The following CAMK2D variants were observed in gnomAD, a reference collection of about 807,000 sequenced individuals.
CAMK2D encodes the protein calcium/calmodulin dependent protein kinase II delta.
In CAMK2D, 37 loss-of-function variants were observed where a neutral mutation model predicts 84.0. That is an observed-to-expected ratio of 0.44 (90% CI 0.34 to 0.58). The LOEUF is 0.58. Ranked by LOEUF, CAMK2D falls within the 20% of genes least tolerant of loss-of-function variation. The pLI, the probability that CAMK2D is intolerant of heterozygous loss-of-function variation, is 0.02. For missense variants in CAMK2D, 448 were observed against 652.5 expected (o/e 0.69, Z 3.41); for synonymous variants, 202 against 212.5 (o/e 0.95, Z 0.43).
rs557936480 is a variant in CAMK2D at position 113,483,141 on chromosome 4, T to C, written c.1135+17322A>G. 7.9e-5 allele frequency among the ~76,000 whole-genome samples: 12 copies of C among 152,304 alleles called. No homozygotes were observed. In the East Asian group the frequency reaches 2.1e-3, roughly 27 times the overall value. ...TGCAAAAAATAGCTATTCACTGGAA[T>C]GGGAAATGCACTAGCAGATATAATT... On this transcript the variant is annotated intron_variant, in intron 16 of 20. Coordinates refer to ENST00000511664, the MANE Select transcript of CAMK2D (RefSeq NM_001321571.2).
intron 16 of CAMK2D, among the ~76,000 whole-genome samples, chr4:113,471,312 T>G (rs1228367230): frequency 6.6e-6 from 1 of 152,158 alleles, no homozygotes; most frequent in Non-Finnish European, 1.5e-5. Context: ...TGGTTACTCT[T>G]GGCAATCTCA....
At chr4:113,565,479 C>T (rs569468350) in intron 4 of CAMK2D, among the ~76,000 whole-genome samples, 2 of 152,030 alleles carry the variant, frequency 1.3e-5, no homozygotes, top group African/African-American at 4.8e-5. Context: ...GGTGAAACCC[C>T]GTCTCTACCA....
At chr4:113,710,813 T>C (rs2099489896) in intron 2 of CAMK2D, among the ~76,000 whole-genome samples, 1 of 152,210 alleles carries the variant, frequency 6.6e-6, no homozygotes, top group South Asian at 2.1e-4. Context: ...GATTTAGGTA[T>C]ACCAGCTTCA....
rs1436992091 is a variant in CAMK2D at position 113,451,086 on chromosome 4, CTA to C, written c.*3457_*3458del. ...TGAAATCACTCGAAAGCTGTGTCAT[CTA>C]TGTTTACCCTTAAATTATAATTTTT... On this transcript the variant is annotated 3_prime_UTR_variant, in exon 21 of 21. Coordinates refer to ENST00000511664, the MANE Select transcript of CAMK2D (RefSeq NM_001321571.2). The C allele has an allele frequency of 2.0e-5, 3 of 152,178 alleles. No individual in the cohort carries two copies. Among genetic ancestry groups the C allele is most frequent in the African/African-American group, 7.2e-5 (3 of 41,450 alleles). The allele number at this position is 152,178 out of a possible 1,614,324, so 9.4% of individuals were successfully genotyped here. A position where few individuals can be genotyped will look rare whatever the true frequency, so the allele number is the denominator to read the frequency against.
At chr4:113,530,418 A>G (rs960727763) in intron 8 of CAMK2D, among the ~76,000 whole-genome samples, 11 of 152,176 alleles carry the variant, frequency 7.2e-5, no homozygotes, top group Non-Finnish European at 1.6e-4. Context: ...CAACGTTGGC[A>G]CTCAAAACGT....
At chr4:113,630,623 C>G (rs1173249112) in intron 3 of CAMK2D, among the ~76,000 whole-genome samples, 1 of 152,120 alleles carries the variant, frequency 6.6e-6, no homozygotes, top group Non-Finnish European at 1.5e-5. Flanking sequence ...ACTGCCAATG[C>G]CACCAGGACC....
intron 8 of CAMK2D, among the ~76,000 whole-genome samples, chr4:113,521,237 GATTATC>G (rs1295741033): frequency 1.3e-5 from 2 of 152,060 alleles, no homozygotes; most frequent in African/African-American, 4.8e-5. Flanking sequence ...GTTGAATTTT[GATTATC>G]ATTATCAATT....
chr4:113,451,736 T>C lies in CAMK2D; in HGVS notation c.*2809A>G, dbSNP rs561928088. ...GTTCTTGCCCATGGAGACATTATAC[T>C]GCAGTAGAGGAGACACAAATAGAAA... is the stretch of plus-strand genomic sequence containing the variant. On this transcript the variant is annotated 3_prime_UTR_variant, in exon 21 of 21. Transcript: ENST00000511664. The C allele has an allele frequency of 6.6e-6, 1 of 152,354 alleles. No homozygotes were observed. The highest frequency in any genetic ancestry group is 2.1e-4 in the South Asian group (1 of 4,828). The allele number at this position is 152,354 out of a possible 1,614,324, so 9.4% of individuals were successfully genotyped here.
At chr4:113,476,703 G>C (rs906039783) in intron 16 of CAMK2D, among the ~76,000 whole-genome samples, 9 of 152,146 alleles carry the variant, frequency 5.9e-5, no homozygotes, top group African/African-American at 2.2e-4. Flanking sequence ...CTGATCAGGA[G>C]TCATGTACCT....
chr4:113,753,770 T>C, intron 2 of CAMK2D: 1 of 975,588 alleles, frequency 1.0e-6, no homozygotes, highest in Non-Finnish European at 1.2e-6. Flanking sequence ...AAATCATTTA[T>C]TTAGACTTTT....
intron 1 of CAMK2D, 108 bp downstream of exon 1, chr4:113,760,896 T>G: frequency 7.1e-7 from 1 of 1,414,382 alleles, no homozygotes; most frequent in Non-Finnish European, 1.0e-6. Context: ...CTCCTCCCAT[T>G]CCTCTCCCAA....
chr4:113,626,962 G>T (rs1041313046), intron 3 of CAMK2D, among the ~76,000 whole-genome samples: 6 of 152,044 alleles, frequency 3.9e-5, no homozygotes, highest in African/African-American at 1.4e-4. Flanking sequence ...TTTTACTTAG[G>T]TTCACTTTTA....
At chr4:113,489,222 C>T (rs2097795694) in intron 16 of CAMK2D, among the ~76,000 whole-genome samples, 1 of 151,550 alleles carries the variant, frequency 6.6e-6, no homozygotes, top group Admixed American at 6.6e-5. Flanking sequence ...ATGTGCCATG[C>T]TGGTGCGCTG....
At position 113,666,831 on chromosome 4, in the gene CAMK2D, G is replaced by A. The variant is rs534652482; in HGVS notation, c.161-5059C>T. Among the ~76,000 whole-genome samples the A allele has an allele frequency of 1.2e-4, 19 of 152,206 alleles. 1 individual carries two copies. In the South Asian group the frequency reaches 2.9e-3, roughly 23 times the overall value. ...CTAATTTTTACCTTGCTGGCCTTTC[G>A]GCTTGTCAGCTTAAGCTGCTGAGCT... On this transcript the variant is annotated intron_variant, in intron 2 of 20. Transcript: ENST00000511664.
intron 2 of CAMK2D, among the ~76,000 whole-genome samples, chr4:113,734,606 G>A (rs1280426418): frequency 1.3e-5 from 2 of 151,844 alleles, no homozygotes; most frequent in African/African-American, 4.9e-5. Context: ...GAGAGTGGGA[G>A]GTCCAAGCAC....
intron 17 of CAMK2D, among the ~76,000 whole-genome samples, chr4:113,462,929 C>A (rs1366276019): frequency 6.6e-6 from 1 of 151,890 alleles, no homozygotes; most frequent in African/African-American, 2.4e-5. Context: ...ATAACAGCAA[C>A]AAGAATTTTT....
chr4:113,625,924 G>T (rs2099066124), intron 3 of CAMK2D, among the ~76,000 whole-genome samples: 1 of 151,854 alleles, frequency 6.6e-6, no homozygotes, highest in Non-Finnish European at 1.5e-5. Flanking sequence ...TAAGGTGGGA[G>T]AATCGCTTGA....
intron 2 of CAMK2D, among the ~76,000 whole-genome samples, chr4:113,715,739 T>A (rs919162756): frequency 6.6e-6 from 1 of 152,204 alleles, no homozygotes; most frequent in Non-Finnish European, 1.5e-5. Flanking sequence ...CAGCTGATTG[T>A]GTAACAAAAA....
intron 16 of CAMK2D, among the ~76,000 whole-genome samples, chr4:113,468,064 C>A (rs1402976198): frequency 2.0e-5 from 3 of 151,920 alleles, no homozygotes; most frequent in African/African-American, 7.3e-5. Context: ...TTAGGGTAGG[C>A]TTCAGTTTAT....
Sources: gnomAD v4.1 joint callset for allele counts (sites outside exome capture counted in the v4.1 genomes callset) on GRCh38, gnomAD v4.1.1 for gene constraint, MANE v1.5 for transcripts, NCBI Gene and HGNC (gene_info 2026-07-23, HGNC 2026-07-21) for gene names.